Variants in FLYWCH1 observed in about 807,000 individuals in gnomAD.
FLYWCH1 encodes FLYWCH-type zinc finger-containing protein 1.
A neutral mutation model predicts 66.4 loss-of-function variants in FLYWCH1; 75 were observed. That is an observed-to-expected ratio of 1.13 (90% CI 0.94 to 1.37). FLYWCH1 has a LOEUF of 1.37. Ranked by LOEUF, FLYWCH1 falls within the 40% of genes most tolerant of loss-of-function variation. The pLI is 0.00. For synonymous variants in FLYWCH1, 595 were observed against 429.9 expected (o/e 1.38, Z -4.75); for missense variants, 1,334 against 1,001.8 (o/e 1.33, Z -4.48).
intron 2 of FLYWCH1, among the ~76,000 whole-genome samples, chr16:2,914,647 C>A (rs927760745): frequency 1.3e-5 from 2 of 152,014 alleles, no homozygotes; most frequent in African/African-American, 4.8e-5. Flanking sequence ...GTCTGTAATC[C>A]CAGCACTTTG....
rs1481512667 is a variant in FLYWCH1, at chr16:2,938,326, C to A, written c.1920C>A (p.Arg640=). The A allele has an allele frequency of 6.2e-7, 1 of 1,607,678 alleles. No homozygotes were observed. The highest frequency in any genetic ancestry group is 8.5e-7 in the Non-Finnish European group (1 of 1,177,168). Residue 640 remains arginine, a synonymous_variant, in exon 8 of 10, where the codon CGC becomes CGA. Transcript: ENST00000253928. ...GGGACCAGGCTCGGCTGGGCTGCCG[C>A]AGCCGCGCCATAACCCAGGGCCACC... ...MCRDQARLGC[R]SRAITQGHRI...
chr16:2,937,578 G>T (rs1244678331), intron 7 of FLYWCH1, among the ~76,000 whole-genome samples, 194 bp downstream of exon 7: 1 of 152,218 alleles, frequency 6.6e-6, no homozygotes, highest in Non-Finnish European at 1.5e-5. Context: ...GGGTAGTGGG[G>T]ACTGGCTGTC....
In FLYWCH1 at chr16:2,950,114, G is replaced by C. The variant is rs1024170474; in HGVS notation, c.*1387G>C. The C allele has an allele frequency of 1.3e-5, 2 of 152,202 alleles. No homozygotes were observed. Among genetic ancestry groups the C allele is most frequent in the South Asian group, 2.1e-4 (1 of 4,830 alleles). The allele number at this position is 152,202 out of a possible 1,614,324, so 9.4% of individuals were successfully genotyped here. On this transcript the variant is annotated 3_prime_UTR_variant, in exon 10 of 10. Transcript: ENST00000253928. Reference sequence around the variant, plus strand: ...GCAGGATGCTCTGTTCTCGCCATTAGCCTGCGTTACGCCTAGACTCATCTG... The same window carrying C: ...GCAGGATGCTCTGTTCTCGCCATTACCCTGCGTTACGCCTAGACTCATCTG...
chr16:2,925,148 T>C (rs1386949880), intron 2 of FLYWCH1, among the ~76,000 whole-genome samples: 3 of 152,224 alleles, frequency 2.0e-5, no homozygotes, highest in African/African-American at 4.8e-5. Flanking sequence ...GGGAGGCCTC[T>C]GTCAGGAGCA....
chr16:2,947,763 C>CAAA (rs552849157), intron 9 of FLYWCH1, among the ~76,000 whole-genome samples: 9 of 126,348 alleles, frequency 7.1e-5, no homozygotes, highest in Middle Eastern at 4.2e-3. Context: ...ACTCTTATCT[C>CAAA]AAAAAAAAAA....
chr16:2,945,742 A>T (rs560235672), intron 9 of FLYWCH1, among the ~76,000 whole-genome samples: 1 of 152,216 alleles, frequency 6.6e-6, no homozygotes, highest in African/African-American at 2.4e-5. Context: ...TCATGCCTGT[A>T]ATCCCAGCAC....
Position 2,930,394 on chromosome 16 carries a change from C to A in FLYWCH1, c.326-16C>A. On this transcript the variant is annotated splice_polypyrimidine_tract_variant and intron_variant, in intron 3 of 9. Transcript: ENST00000253928. ...TTTGCTCTAGCTTAGCTAACCTAGCCTTCCCGTTCCCCCAGCAGCCCCTCA... is the reference window on the plus strand; with the variant it reads ...TTTGCTCTAGCTTAGCTAACCTAGCATTCCCGTTCCCCCAGCAGCCCCTCA... 1 of 1,422,496 alleles carries A rather than the reference C, an allele frequency of 7.0e-7. No individual in the cohort carries two copies. The highest frequency in any genetic ancestry group is 9.3e-7 in the Non-Finnish European group (1 of 1,077,076). The allele number at this position is 1,422,496 out of a possible 1,614,324, so 88.1% of individuals were successfully genotyped here.
Position 2,929,505 on chromosome 16 carries a change from C to G in FLYWCH1, c.-73-108C>G. 3 of 766,798 alleles carry G rather than the reference C, an allele frequency of 3.9e-6. No homozygotes were observed. The South Asian group carries it at 5.6e-5, about 14-fold the overall frequency. The allele number at this position is 766,798 out of a possible 1,614,324, so 47.5% of individuals were successfully genotyped here. ...CCATCAGGCCCCCGGCCAGTCTTGG[C>G]CCCAGCGAGCAGTGAGGCAGCCCCA... On this transcript the variant is annotated intron_variant, in intron 2 of 9. Transcript: ENST00000253928.
intron 2 of FLYWCH1, among the ~76,000 whole-genome samples, chr16:2,921,619 G>A (rs1045209837): frequency 2.6e-5 from 4 of 152,118 alleles, no homozygotes; most frequent in South Asian, 4.1e-4. Flanking sequence ...GAAATTAGCC[G>A]GGCATGGTAG....
At chr16:2,915,351 G>A (rs562538766) in intron 2 of FLYWCH1, 1 of 151,694 alleles carries the variant, frequency 6.6e-6, no homozygotes, top group Non-Finnish European at 1.5e-5. Context: ...TTGGCCAGGC[G>A]GCAAACTGGG....
intron 2 of FLYWCH1, chr16:2,923,074 T>A (rs976545724): frequency 1.9e-5 from 8 of 416,954 alleles, no homozygotes; most frequent in Non-Finnish European, 3.7e-5. Context: ...CGGATCTATT[T>A]TTTTTATAGT....
At position 2,951,196 on chromosome 16, in the gene FLYWCH1, C is replaced by T. The variant is rs1413480213; in HGVS notation, c.*2469C>T. On this transcript the variant is annotated 3_prime_UTR_variant, in exon 10 of 10. Coordinates refer to ENST00000253928, the MANE Select transcript of FLYWCH1 (RefSeq NM_001308068.2). The stretch of plus-strand genomic sequence containing the variant: ...TGAAATTTAAAATAAATCCCCAAGG[C>T]ATCAGAAACGTATCAACTAAGAACT... The T allele has an allele frequency of 6.6e-6, 1 of 152,268 alleles. No individual in the cohort carries two copies. The highest frequency in any genetic ancestry group is 2.4e-5 in the African/African-American group (1 of 41,458). 9.4% of individuals were successfully genotyped at this position (152,268 alleles called of 1,614,324 possible). A position where few individuals can be genotyped will look rare whatever the true frequency, so the allele number is the denominator to read the frequency against.
intron 9 of FLYWCH1, among the ~76,000 whole-genome samples, chr16:2,940,364 G>A (rs927737470): frequency 5.3e-5 from 8 of 152,232 alleles, no homozygotes; most frequent in Non-Finnish European, 7.3e-5. Context: ...ATGGGACAGA[G>A]AGAGAACAAG....
In FLYWCH1 at chr16:2,929,953, G is replaced by A. The variant is rs1214978638; in HGVS notation, c.268G>A (p.Gly90Arg). 2 of 1,613,160 alleles carry A rather than the reference G, an allele frequency of 1.2e-6. No individual in the cohort carries two copies. Among genetic ancestry groups the A allele is most frequent in the African/African-American group, 1.3e-5 (1 of 74,898 alleles). The change falls in exon 3 of 10, where the codon GGG (glycine) becomes AGG (arginine). Residue 90 changes from glycine to arginine, a missense_variant. Physicochemically the swap from Gly to Arg is moderately radical, Grantham distance 125. Transcript: ENST00000253928. ...GATCCTGCCAGTTGAGGAGCAGGGA[G>A]GGGTGGTCCAGCCAGCCCTAGAGAT... ...LQILPVEEQGGVVQPALEMPE... is the reference protein window; with the variant it reads ...LQILPVEEQGRVVQPALEMPE...
rs772410481 is a variant in FLYWCH1 at position 2,937,252 on chromosome 16, C to T, written c.1645C>T (p.Arg549Cys). ...CCGGGACCAGGCCCGCATGGGCTGC[C>T]GCAGCCGCGCCATCACCCAGGGCCG... Reference protein sequence around the residue: ...TCRDQARMGCRSRAITQGRRV... With the variant: ...TCRDQARMGCCSRAITQGRRV... The change falls in exon 7 of 10, where the codon CGC becomes TGC. Residue 549 changes from arginine to cysteine, a missense_variant. Coordinates refer to ENST00000253928, the MANE Select transcript of FLYWCH1 (RefSeq NM_001308068.2). The T allele has an allele frequency of 1.1e-5, 18 of 1,605,898 alleles. No individual in the cohort carries two copies. Among genetic ancestry groups the T allele is most frequent in the Middle Eastern group, 1.9e-4 (1 of 5,144 alleles).
chr16:2,922,709 C>T (rs1452285729), intron 2 of FLYWCH1: 2 of 496,024 alleles, frequency 4.0e-6, no homozygotes, highest in African/African-American at 2.0e-5. Flanking sequence ...GATCAGGAGC[C>T]AGTGGAACAT....
In FLYWCH1 at chr16:2,933,909, C is replaced by A; in HGVS notation, c.1443C>A (p.Pro481=). 1 of 1,577,374 alleles carries A rather than the reference C, an allele frequency of 6.3e-7. No individual in the cohort carries two copies. Among genetic ancestry groups the A allele is most frequent in the Non-Finnish European group, 8.6e-7 (1 of 1,162,020 alleles). ...VTVMRGHCHP[P]DLGGLEALRQ... ...TCATGCGTGGTCACTGCCACCCGCC[C>A]GACCTGGGAGGCCTGGAGGCCCTGA... is the stretch of plus-strand genomic sequence containing the variant. The change falls in exon 6 of 10, where the codon CCC becomes CCA. Residue 481 remains proline, a synonymous_variant. Transcript: ENST00000253928.
In FLYWCH1 at chr16:2,933,357, C is replaced by T. The variant is rs766641926; in HGVS notation, c.1024C>T (p.Arg342Trp). Residue 342 changes from arginine to tryptophan, a missense_variant, in exon 5 of 10, where the codon CGG (arginine) becomes TGG (tryptophan). Coordinates refer to ENST00000253928, the MANE Select transcript of FLYWCH1 (RefSeq NM_001308068.2). ...QPDMEGLEAR[R>W]QQEKAVETLQ... ...CGATATGGAGGGCCTGGAAGCCCGG[C>T]GGCAGCAGGAGAAGGCCGTGGAGAC... is the stretch of plus-strand genomic sequence containing the variant. 7.5e-6 allele frequency: 12 copies of T among 1,602,778 alleles called. No homozygotes were observed. The highest frequency in any genetic ancestry group is 1.7e-4 in the Middle Eastern group (1 of 6,054).
At chr16:2,923,003 C>T (rs981104564) in intron 2 of FLYWCH1, 13 of 483,782 alleles carry the variant, frequency 2.7e-5, no homozygotes, top group African/African-American at 8.0e-5. Flanking sequence ...GGGTGACGCG[C>T]GGATCTTTTT....
Sources: allele counts gnomAD v4.1 joint callset (sites outside exome capture counted in the v4.1 genomes callset), GRCh38; gene constraint gnomAD v4.1.1; transcripts MANE v1.5; gene names NCBI Gene and HGNC (gene_info 2026-07-23, HGNC 2026-07-21).